Variants in PLA2G4E observed in about 807,000 individuals in gnomAD.
The protein encoded by PLA2G4E is phospholipase A2 group IVE, also known as cytosolic phospholipase A2 epsilon.
PLA2G4E carries 84 observed loss-of-function variants against 109.1 expected under a neutral mutation model. That is an observed-to-expected ratio of 0.77 (90% confidence interval 0.65 to 0.92). The LOEUF is 0.92. Among genes scored for constraint, PLA2G4E ranks in the 40% least tolerant of loss-of-function variants. The probability of loss-of-function intolerance (pLI) is 0.00; values close to 1 mark genes in which losing one functional copy is unlikely to be tolerated. For synonymous variants in PLA2G4E, 469 were observed against 436.1 expected (o/e 1.08, Z -0.94); for missense variants, 1,057 against 1,076.6 (o/e 0.98, Z 0.25).
intron 10 of PLA2G4E, chr15:41,998,716 G>C (rs1306497762): frequency 6.6e-6 from 1 of 152,222 alleles, no homozygotes; most frequent in Non-Finnish European, 1.5e-5. Flanking sequence ...CTAAATGTGA[G>C]AGCTAAAACT....
chr15:42,026,972 C>CAAA (rs35499215), intron 1 of PLA2G4E, among the ~76,000 whole-genome samples: 7 of 140,280 alleles, frequency 5.0e-5, no homozygotes, highest in African/African-American at 1.9e-4. Flanking sequence ...GACTCTATCT[C>CAAA]AAAAAAAAAA....
At position 41,990,242 on chromosome 15, in the gene PLA2G4E, G is replaced by T. The variant is rs760879248; in HGVS notation, c.1471-7C>A. 1 of 1,612,672 alleles carries T rather than the reference G, an allele frequency of 6.2e-7. No individual in the cohort carries two copies. The highest frequency in any genetic ancestry group is 8.5e-7 in the Non-Finnish European group (1 of 1,179,238). On this transcript the variant is annotated splice_region_variant and splice_polypyrimidine_tract_variant and intron_variant, in intron 13 of 19. Transcript: ENST00000399518. The stretch of plus-strand genomic sequence containing the variant: ...ACAGTTTGCATTCATTTCTCTGTGG[G>T]GAAACAAAATGGTTAAAGAGAAGCA...
At chr15:42,029,723 A>G (rs542442871) in intron 1 of PLA2G4E, among the ~76,000 whole-genome samples, 1 of 152,222 alleles carries the variant, frequency 6.6e-6, no homozygotes, top group Non-Finnish European at 1.5e-5. Context: ...GAGCTTCTCC[A>G]TCTGTAAAGT....
intron 1 of PLA2G4E, among the ~76,000 whole-genome samples, chr15:42,041,310 T>C (rs878908864): frequency 2.4e-5 from 3 of 124,516 alleles, no homozygotes; most frequent in South Asian, 2.3e-4. Flanking sequence ...AAGTGGTTGA[T>C]GGGTAAAAGG....
chr15:42,018,158 C>A (rs2068614197), intron 1 of PLA2G4E, among the ~76,000 whole-genome samples: 1 of 152,216 alleles, frequency 6.6e-6, no homozygotes, highest in Non-Finnish European at 1.5e-5. Flanking sequence ...ACCTATTTTG[C>A]TTCTGATATA....
chr15:42,029,096 C>A (rs1203015569), intron 1 of PLA2G4E, among the ~76,000 whole-genome samples: 3 of 149,148 alleles, frequency 2.0e-5, no homozygotes, highest in Non-Finnish European at 4.4e-5. Flanking sequence ...CTTTTCTTTT[C>A]TTTTCTTTTC....
At chr15:42,038,402 C>T (rs1486103775) in intron 1 of PLA2G4E, among the ~76,000 whole-genome samples, 3 of 152,092 alleles carry the variant, frequency 2.0e-5, no homozygotes, top group Non-Finnish European at 4.4e-5. Context: ...CAGTGGGAGC[C>T]CTGAACTTGT....
chr15:42,004,520 G>A (rs1414243466), intron 5 of PLA2G4E, among the ~76,000 whole-genome samples: 1 of 152,042 alleles, frequency 6.6e-6, no homozygotes, highest in Non-Finnish European at 1.5e-5. Flanking sequence ...GGCTGCTTGC[G>A]GCCAGGGTTG....
intron 6 of PLA2G4E, among the ~76,000 whole-genome samples, chr15:42,002,264 CAAA>C (rs71108143): frequency 0.02 from 1,483 of 73,190 alleles, 36 homozygotes; most frequent in African/African-American, 0.087. Flanking sequence ...GACCTTGTCT[CAAA>C]AAAAAAAAAA....
intron 5 of PLA2G4E, among the ~76,000 whole-genome samples, chr15:42,003,420 A>C (rs75887411): frequency 0.11 from 16,810 of 152,192 alleles, 1,331 homozygotes; most frequent in East Asian, 0.22. Context: ...TGCCATGCCC[A>C]ACTAATTTTT....
At chr15:42,049,742 C>T (rs1889475385) in intron 1 of PLA2G4E, among the ~76,000 whole-genome samples, 1 of 152,160 alleles carries the variant, frequency 6.6e-6, no homozygotes, top group African/African-American at 2.4e-5. Flanking sequence ...GGAAGCGAGG[C>T]TCACTCCCTG....
chr15:41,995,497 C>G lies in PLA2G4E; in HGVS notation c.1111-1G>C, dbSNP rs1434332712. On this transcript the variant is annotated splice_acceptor_variant, in intron 11 of 19. Transcript: ENST00000399518. LOFTEE classifies it high-confidence loss of function. ...TGGCCATGATGGCTATCAGCGGCAC[C>G]TGGGGTTACACAGAGGCAGGCGGTT... 1.2e-6 allele frequency: 2 copies of G among 1,613,554 alleles called. No homozygotes were observed. The highest frequency in any genetic ancestry group is 1.7e-6 in the Non-Finnish European group (2 of 1,179,594).
intron 15 of PLA2G4E, 126 bp downstream of exon 15, chr15:41,989,289 G>T: frequency 2.2e-6 from 3 of 1,339,394 alleles, no homozygotes; most frequent in East Asian, 2.5e-5. Flanking sequence ...CCAGTGACTT[G>T]GGACCACTCC....
chr15:41,987,489 T>G, intron 16 of PLA2G4E, 114 bp from the exon 17 acceptor site: 1 of 942,350 alleles, frequency 1.1e-6, no homozygotes, highest in South Asian at 1.6e-5. Flanking sequence ...TAAAAGCAGC[T>G]CATACCTTCC....
chr15:41,986,412 A>G (rs184428180), intron 17 of PLA2G4E, among the ~76,000 whole-genome samples: 155 of 152,278 alleles, frequency 1.0e-3, no homozygotes, highest in African/African-American at 3.5e-3. Flanking sequence ...AGGAGGCGGC[A>G]CTGAGCTGAC....
At chr15:42,050,037 A>G (rs1298793773) in intron 1 of PLA2G4E, among the ~76,000 whole-genome samples, 2 of 152,174 alleles carry the variant, frequency 1.3e-5, no homozygotes, top group African/African-American at 4.8e-5. Context: ...CTCGCATGGA[A>G]TTACACTTAC....
At chr15:42,027,009 G>A (rs749080534) in intron 1 of PLA2G4E, among the ~76,000 whole-genome samples, 1 of 151,796 alleles carries the variant, frequency 6.6e-6, no homozygotes, top group Non-Finnish European at 1.5e-5. Context: ...ATGTGTATGA[G>A]GGCATTCACT....
At chr15:42,010,602 G>A (rs2068526764) in intron 2 of PLA2G4E, among the ~76,000 whole-genome samples, 1 of 152,182 alleles carries the variant, frequency 6.6e-6, no homozygotes, top group South Asian at 2.1e-4. Flanking sequence ...AGAGGGCTTG[G>A]TCATCTGAAT....
rs1555386987 is a variant in PLA2G4E at position 42,010,132 on chromosome 15, G to GCCGC, written c.257-2268_257-2267insGCGG. 14 of 428,672 alleles carry GCCGC rather than the reference G, an allele frequency of 3.3e-5. 1 individual carries two copies. The highest frequency in any genetic ancestry group is 4.2e-4 in the Middle Eastern group (1 of 2,358). 26.6% of individuals were successfully genotyped at this position (428,672 alleles called of 1,614,324 possible). ...TTCCCTTGGCTTTTCCAGAACACTG[G>GCCGC]CCCCCCCACCCCGGGCCTGGACCAC... On this transcript the variant is annotated intron_variant, in intron 2 of 19. Transcript: ENST00000399518.
Sources: gnomAD v4.1 joint callset for allele counts (sites outside exome capture counted in the v4.1 genomes callset) on GRCh38, gnomAD v4.1.1 for gene constraint, MANE v1.5 for transcripts, NCBI Gene and HGNC (gene_info 2026-07-23, HGNC 2026-07-21) for gene names.